WDR49: variants seen among roughly 807,000 people sequenced by gnomAD.
The protein encoded by WDR49 is WD repeat domain 49.
A neutral mutation model predicts 119.5 loss-of-function variants in WDR49; 107 were observed. That is an observed-to-expected ratio of 0.90 (90% CI 0.77 to 1.05). The LOEUF (loss-of-function observed/expected upper bound fraction) is 1.05, where lower values mean the gene tolerates loss of function less well. Among genes scored for constraint, WDR49 ranks in the 50% least tolerant of loss-of-function variants. WDR49 has a pLI of 0.00. For missense variants in WDR49, 1,240 were observed against 1,220.5 expected (o/e 1.02, Z -0.24); for synonymous variants, 425 against 418.8 (o/e 1.01, Z -0.18).
chr3:167,602,821 G>A (rs1715846943), intron 6 of WDR49, among the ~76,000 whole-genome samples: 1 of 152,042 alleles, frequency 6.6e-6, no homozygotes, highest in African/African-American at 2.4e-5. Flanking sequence ...ACTATAATAT[G>A]GTATTTTTAC....
At chr3:167,521,585 C>T (rs1052023337) in intron 16 of WDR49, among the ~76,000 whole-genome samples, 2 of 152,118 alleles carry the variant, frequency 1.3e-5, no homozygotes, top group African/African-American at 4.8e-5. Flanking sequence ...TCTGAGTAAA[C>T]CCCATTTCTT....
chr3:167,516,031 T>A (rs1752185594), intron 16 of WDR49, among the ~76,000 whole-genome samples: 1 of 152,140 alleles, frequency 6.6e-6, no homozygotes, highest in Non-Finnish European at 1.5e-5. Flanking sequence ...ACAGAAAGAA[T>A]CAATATCATG....
chr3:167,487,347 C>T lies in WDR49; in HGVS notation c.3032-8351G>A, dbSNP rs139524723. Among the ~76,000 whole-genome samples the T allele has an allele frequency of 2.3e-3, 351 of 152,090 alleles. 1 individual carries two copies. The highest frequency in any genetic ancestry group is 8.2e-3 in the African/African-American group (340 of 41,524). On this transcript the variant is annotated intron_variant, in intron 18 of 18. Coordinates refer to ENST00000682715, the MANE Select transcript of WDR49 (RefSeq NM_001366157.1). ...CCATATGCAGACAATTGAAACTGGA[C>T]CCTTATCTTTCAACATATACAAAAA...
Position 167,572,180 on chromosome 3 carries a change from C to T in WDR49, c.1509+3738G>A, listed in dbSNP as rs1211971418. 2.0e-5 allele frequency among the ~76,000 whole-genome samples: 3 copies of T among 152,152 alleles called. No individual in the cohort carries two copies. The South Asian group carries it at 6.2e-4, about 32-fold the overall frequency. On this transcript the variant is annotated intron_variant, in intron 8 of 18. Coordinates refer to ENST00000682715, the MANE Select transcript of WDR49 (RefSeq NM_001366157.1). ...CAAAATTGTACATTCCAGGGGACTCCTTCATCCAGTCCCAACTTGCTCTGC... is the reference window on the plus strand; with the variant it reads ...CAAAATTGTACATTCCAGGGGACTCTTTCATCCAGTCCCAACTTGCTCTGC...
At chr3:167,613,662 C>G (rs1716453281) in intron 5 of WDR49, among the ~76,000 whole-genome samples, 1 of 152,074 alleles carries the variant, frequency 6.6e-6, no homozygotes, top group Non-Finnish European at 1.5e-5. Flanking sequence ...CAGCAATTAG[C>G]AGCTGGTTGT....
At chr3:167,585,127 A>G (rs1256113722) in intron 7 of WDR49, among the ~76,000 whole-genome samples, 1 of 152,106 alleles carries the variant, frequency 6.6e-6, no homozygotes, top group African/African-American at 2.4e-5. Flanking sequence ...AAAAATCAAG[A>G]ACTATAAATG....
At chr3:167,556,377 A>G (rs1048634783) in intron 9 of WDR49, among the ~76,000 whole-genome samples, 1 of 152,144 alleles carries the variant, frequency 6.6e-6, no homozygotes, top group Non-Finnish European at 1.5e-5. Flanking sequence ...CTCATCCTCT[A>G]CCGATAAAAC....
At chr3:167,550,826 T>A (rs926237560) in intron 10 of WDR49, among the ~76,000 whole-genome samples, 5 of 150,244 alleles carry the variant, frequency 3.3e-5, no homozygotes, top group African/African-American at 1.2e-4. Flanking sequence ...AAATCATAGA[T>A]TTTGGAGGCA....
chr3:167,602,083 C>T (rs200530034), intron 7 of WDR49, 44 bp downstream of exon 7: 88 of 1,535,928 alleles, frequency 5.7e-5, no homozygotes, highest in African/African-American at 5.4e-4. Flanking sequence ...GGGTAGGAAT[C>T]GGGGAAGCAA....
At chr3:167,596,027 AAAAC>A (rs1327538450) in intron 7 of WDR49, among the ~76,000 whole-genome samples, 3 of 144,602 alleles carry the variant, frequency 2.1e-5, no homozygotes, top group South Asian at 2.3e-4. Context: ...TTACAAGAAA[AAAAC>A]AAACAACCCC....
At chr3:167,557,719 C>G (rs1197165513) in intron 9 of WDR49, among the ~76,000 whole-genome samples, 1 of 146,954 alleles carries the variant, frequency 6.8e-6, no homozygotes, top group African/African-American at 2.5e-5. Flanking sequence ...TGCCACTGCA[C>G]TGCAGCCTGG....
chr3:167,640,222 A>G (rs1042064694), intron 2 of WDR49, among the ~76,000 whole-genome samples: 10 of 151,800 alleles, frequency 6.6e-5, no homozygotes, highest in African/African-American at 2.2e-4. Context: ...TGACAGCAGA[A>G]CTTCTGTGTT....
chr3:167,549,410 T>C (rs1469908182), intron 10 of WDR49, among the ~76,000 whole-genome samples: 5 of 152,194 alleles, frequency 3.3e-5, no homozygotes, highest in Non-Finnish European at 5.9e-5. Context: ...TGGTATCTCA[T>C]TGTGGTTTTG....
At chr3:167,550,166 T>C (rs904220844) in intron 10 of WDR49, among the ~76,000 whole-genome samples, 4 of 152,294 alleles carry the variant, frequency 2.6e-5, no homozygotes, top group Non-Finnish European at 2.9e-5. Context: ...AGGATTGTCT[T>C]GGCAATGCAG....
In WDR49 at chr3:167,530,226, C is replaced by A. The variant is rs112876900; in HGVS notation, c.2218+889G>T. Among the ~76,000 whole-genome samples, 711 of 152,084 alleles carry A rather than the reference C, an allele frequency of 4.7e-3. 5 individuals are homozygous for A. Among genetic ancestry groups the A allele is most frequent in the African/African-American group, 0.016 (672 of 41,526 alleles). ...ATATGAAAATTATACAGATTTTCATCTGTAAATTAAATATGGGAAACAATA... is the reference window on the plus strand; with the variant it reads ...ATATGAAAATTATACAGATTTTCATATGTAAATTAAATATGGGAAACAATA... On this transcript the variant is annotated intron_variant, in intron 13 of 18. Coordinates refer to ENST00000682715, the MANE Select transcript of WDR49 (RefSeq NM_001366157.1).
intron 7 of WDR49, among the ~76,000 whole-genome samples, chr3:167,588,597 T>C (rs972315444): frequency 1.3e-5 from 2 of 152,174 alleles, no homozygotes; most frequent in African/African-American, 4.8e-5. Context: ...GCATTTGTTA[T>C]TGCTTGTCTT....
Position 167,554,554 on chromosome 3 carries a change from G to C in WDR49, c.1823+96C>G, listed in dbSNP as rs73173042. ...TCCAACTAGGGTATCACTCACCTAG[G>C]TCACCAGCAAGTTTTAATGACACAG... On this transcript the variant is annotated intron_variant, in intron 10 of 18. Transcript: ENST00000682715. 192,009 of 679,166 alleles carry C rather than the reference G, an allele frequency of 0.28. 29,020 individuals are homozygous for C. The highest frequency in any genetic ancestry group is 0.32 in the South Asian group (13,285 of 41,574). 42.1% of individuals were successfully genotyped at this position (679,166 alleles called of 1,614,324 possible). A position where few individuals can be genotyped will look rare whatever the true frequency, so the allele number is the denominator to read the frequency against.
At chr3:167,547,375 A>T (rs1003188072) in intron 10 of WDR49, among the ~76,000 whole-genome samples, 25 of 151,974 alleles carry the variant, frequency 1.6e-4, no homozygotes, top group Non-Finnish European at 2.8e-4. Context: ...AGAATCATTT[A>T]AAATTATATG....
At position 167,546,115 on chromosome 3, in the gene WDR49, C is replaced by T. The variant is rs183323853; in HGVS notation, c.1823+8535G>A. Among the ~76,000 whole-genome samples, 480 of 151,926 alleles carry T rather than the reference C, an allele frequency of 3.2e-3. 1 individual carries two copies. The highest frequency in any genetic ancestry group is 0.011 in the African/African-American group (451 of 41,490). On this transcript the variant is annotated intron_variant, in intron 10 of 18. Coordinates refer to ENST00000682715, the MANE Select transcript of WDR49 (RefSeq NM_001366157.1). ...AGTGGGAGAGAGAAGGTCAATCTTA[C>T]ATATTTTGCATTATCTCTCAGCCAA... is the stretch of plus-strand genomic sequence containing the variant.
Sources: allele counts gnomAD v4.1 joint callset (sites outside exome capture counted in the v4.1 genomes callset), GRCh38; gene constraint gnomAD v4.1.1; transcripts MANE v1.5; gene names NCBI Gene and HGNC (gene_info 2026-07-23, HGNC 2026-07-21).